Variants in BORCS5 observed in about 807,000 individuals in gnomAD.
The protein encoded by BORCS5 is BLOC-1 related complex subunit 5.
BORCS5 carries 17 observed loss-of-function variants against 22.1 expected under a neutral mutation model. The ratio of observed to expected loss-of-function variants is 0.77; its 90% CI spans 0.53 to 1.15. BORCS5 has a LOEUF of 1.15. Ranked by LOEUF, BORCS5 falls within the 50% of genes most tolerant of loss-of-function variation. BORCS5 has a pLI of 0.00. For synonymous variants in BORCS5, 117 were observed against 99.8 expected (o/e 1.17, Z -1.03); for missense variants, 247 against 253.2 (o/e 0.98, Z 0.17).
chr12:12,458,134 G>GTTTTA (rs1282538579), intron 3 of BORCS5, among the ~76,000 whole-genome samples: 1 of 152,102 alleles, frequency 6.6e-6, no homozygotes, highest in Non-Finnish European at 1.5e-5. Flanking sequence ...GTTTTGTTTT[G>GTTTTA]TTTTGTTTTG....
chr12:12,465,611 T>A lies in BORCS5; in HGVS notation c.426T>A (p.Tyr142Ter). The change falls in exon 4 of 4, where the codon TAT (tyrosine) becomes TAA (stop). Residue 142 changes from tyrosine (Y) to a stop codon, truncating the protein, a stop_gained. Coordinates refer to ENST00000314565, the MANE Select transcript of BORCS5 (RefSeq NM_058169.6). LOFTEE classifies it high-confidence loss of function. Reference sequence around the variant, plus strand: ...AGCGCCAGAAAAGATACGCCAAGTATGCCGAGCAGATCCAGAAAGTGAACG... The same window carrying A: ...AGCGCCAGAAAAGATACGCCAAGTAAGCCGAGCAGATCCAGAAAGTGAACG... ...MQERQKRYAK[Y>*]AEQIQKVNEM... 6.2e-7 allele frequency: 1 copy of A among 1,614,244 alleles called. No individual in the cohort carries two copies.
At chr12:12,451,203 C>G (rs1350231280) in intron 3 of BORCS5, among the ~76,000 whole-genome samples, 1 of 148,944 alleles carries the variant, frequency 6.7e-6, no homozygotes, top group Non-Finnish European at 1.5e-5. Flanking sequence ...ATATACTTTA[C>G]TTTGTTGAGT....
chr12:12,366,734 G>C (rs1439075322), intron 2 of BORCS5, among the ~76,000 whole-genome samples: 2 of 152,136 alleles, frequency 1.3e-5, no homozygotes, highest in Admixed American at 1.3e-4. Flanking sequence ...TCATTCTAAA[G>C]AAATGAAATA....
At position 12,470,799 on chromosome 12, in the gene BORCS5, G is replaced by C. The variant is rs371648233; in HGVS notation, c.*5023G>C. The stretch of plus-strand genomic sequence containing the variant: ...AAAAAGATAAAAAAGTTGGCAACTA[G>C]ATCTAGTTGCCTGCCAGGATGACCA... On this transcript the variant is annotated 3_prime_UTR_variant, in exon 4 of 4. Transcript: ENST00000314565. Among the ~76,000 whole-genome samples the C allele has an allele frequency of 1.3e-5, 2 of 151,626 alleles. No individual in the cohort carries two copies. The highest frequency in any genetic ancestry group is 4.9e-5 in the African/African-American group (2 of 41,232).
rs544478649 is a variant in BORCS5 at position 12,467,883 on chromosome 12, T to G, written c.*2107T>G. 6.6e-6 allele frequency: 1 copy of G among 152,376 alleles called. No individual in the cohort carries two copies. The highest frequency in any genetic ancestry group is 2.1e-4 in the South Asian group (1 of 4,824). The allele number at this position is 152,376 out of a possible 1,614,324, so 9.4% of individuals were successfully genotyped here. On this transcript the variant is annotated 3_prime_UTR_variant, in exon 4 of 4. Coordinates refer to ENST00000314565, the MANE Select transcript of BORCS5 (RefSeq NM_058169.6). ...GCACGTTACCATGGATCTCCTGCAC[T>G]TGTGGTGTGGGCAGCCGCTGGGCCC...
intron 2 of BORCS5, among the ~76,000 whole-genome samples, chr12:12,404,639 T>C (rs1354469807): frequency 2.0e-5 from 3 of 152,216 alleles, no homozygotes; most frequent in African/African-American, 7.2e-5. Flanking sequence ...CTCATCCACA[T>C]AGGAGCACTC....
intron 2 of BORCS5, among the ~76,000 whole-genome samples, chr12:12,435,050 G>A (rs1014701089): frequency 1.9e-4 from 29 of 152,186 alleles, no homozygotes; most frequent in African/African-American, 6.8e-4. Flanking sequence ...ACCTGGCTAA[G>A]CTGGTGTTGA....
intron 2 of BORCS5, among the ~76,000 whole-genome samples, chr12:12,428,069 T>C (rs1592118628): frequency 6.6e-6 from 1 of 152,258 alleles, no homozygotes; most frequent in African/African-American, 2.4e-5. Flanking sequence ...ATTTAATTTC[T>C]ACTTCCTGGA....
rs570597373 is a variant in BORCS5 at position 12,387,806 on chromosome 12, A to G, written c.202+26457A>G. Among the ~76,000 whole-genome samples the G allele has an allele frequency of 8.6e-5, 13 of 151,452 alleles. 1 individual carries two copies. In the South Asian group the frequency reaches 2.5e-3, roughly 29 times the overall value. ...ATAGTTTTTGGACCTTCAGTGAAAG[A>G]CTCACATTCATCCACAGTTCAGTGT... On this transcript the variant is annotated intron_variant, in intron 2 of 3. Coordinates refer to ENST00000314565, the MANE Select transcript of BORCS5 (RefSeq NM_058169.6).
intron 2 of BORCS5, among the ~76,000 whole-genome samples, chr12:12,426,451 G>A (rs1432167156): frequency 2.6e-5 from 4 of 152,220 alleles, no homozygotes; most frequent in Non-Finnish European, 5.9e-5. Context: ...GAGGTGTGTC[G>A]TTTGTGGATA....
At chr12:12,421,349 C>T (rs533660469) in intron 2 of BORCS5, among the ~76,000 whole-genome samples, 18 of 152,212 alleles carry the variant, frequency 1.2e-4, no homozygotes, top group African/African-American at 4.1e-4. Context: ...TGATGGATTA[C>T]GTTTATTGAT....
chr12:12,418,954 G>A (rs558564503), intron 2 of BORCS5, among the ~76,000 whole-genome samples: 1 of 151,980 alleles, frequency 6.6e-6, no homozygotes, highest in African/African-American at 2.4e-5. Context: ...GTCATTTTCT[G>A]TATTGCTGTC....
intron 2 of BORCS5, among the ~76,000 whole-genome samples, chr12:12,375,959 C>A (rs1043833579): frequency 6.6e-6 from 1 of 151,934 alleles, no homozygotes; most frequent in Admixed American, 6.6e-5. Flanking sequence ...CGTCCACCAC[C>A]GCGCACAGCT....
At chr12:12,451,743 C>T (rs1321075444) in intron 3 of BORCS5, among the ~76,000 whole-genome samples, 2 of 151,186 alleles carry the variant, frequency 1.3e-5, no homozygotes, top group African/African-American at 4.9e-5. Context: ...ACTAAAAGTA[C>T]TTTTTTTGTA....
At chr12:12,438,681 C>G (rs1307659274) in intron 3 of BORCS5, among the ~76,000 whole-genome samples, 3 of 152,090 alleles carry the variant, frequency 2.0e-5, no homozygotes, top group East Asian at 3.9e-4. Flanking sequence ...CACAGTGAAC[C>G]TTAATGTACT....
rs552003137 is a variant in BORCS5 at position 12,421,035 on chromosome 12, C to T, written c.203-14593C>T. Reference sequence around the variant, plus strand: ...CTTCCTCATTTCCTAATTGAATATCCTTTATTTCTTTTTCTTGCCTGATTG... The same window carrying T: ...CTTCCTCATTTCCTAATTGAATATCTTTTATTTCTTTTTCTTGCCTGATTG... On this transcript the variant is annotated intron_variant, in intron 2 of 3. Transcript: ENST00000314565. Among the ~76,000 whole-genome samples the T allele has an allele frequency of 2.0e-3, 310 of 152,248 alleles. 2 individuals are homozygous for T. The highest frequency in any genetic ancestry group is 7.2e-3 in the African/African-American group (298 of 41,536).
rs1943285387 is a variant in BORCS5, at chr12:12,470,784, A to G, written c.*5008A>G. Among the ~76,000 whole-genome samples, 1 of 152,002 alleles carries G rather than the reference A, an allele frequency of 6.6e-6. No individual in the cohort carries two copies. Among genetic ancestry groups the G allele is most frequent in the Non-Finnish European group, 1.5e-5 (1 of 67,976 alleles). On this transcript the variant is annotated 3_prime_UTR_variant, in exon 4 of 4. Coordinates refer to ENST00000314565, the MANE Select transcript of BORCS5 (RefSeq NM_058169.6). Reference sequence around the variant, plus strand: ...CACATGCTTCAAACCAAAAAGATAAAAAAGTTGGCAACTAGATCTAGTTGC... The same window carrying G: ...CACATGCTTCAAACCAAAAAGATAAGAAAGTTGGCAACTAGATCTAGTTGC...
At chr12:12,459,694 TATTA>T (rs1396279979) in intron 3 of BORCS5, among the ~76,000 whole-genome samples, 1 of 152,226 alleles carries the variant, frequency 6.6e-6, no homozygotes, top group Non-Finnish European at 1.5e-5. Flanking sequence ...ATCCATTCCA[TATTA>T]ATTTCTTGTG....
At chr12:12,386,815 T>C (rs1344871151) in intron 2 of BORCS5, among the ~76,000 whole-genome samples, 2 of 151,192 alleles carry the variant, frequency 1.3e-5, no homozygotes, top group African/African-American at 2.4e-5. Context: ...CCCATACCTT[T>C]TTCTGTCTGC....
Sources: gnomAD v4.1 joint callset for allele counts (sites outside exome capture counted in the v4.1 genomes callset) on GRCh38, gnomAD v4.1.1 for gene constraint, MANE v1.5 for transcripts, NCBI Gene and HGNC (gene_info 2026-07-23, HGNC 2026-07-21) for gene names.